KCNMA1: variants seen among roughly 807,000 people sequenced by gnomAD.
KCNMA1 encodes the protein Calcium-activated potassium channel subunit alpha-1.
A neutral mutation model predicts 140.0 loss-of-function variants in KCNMA1; 29 were observed. The ratio of observed to expected loss-of-function variants is 0.21; its 90% CI spans 0.15 to 0.28. The LOEUF (loss-of-function observed/expected upper bound fraction) is 0.28. Ranked by LOEUF, KCNMA1 falls within the 10% of genes least tolerant of loss-of-function variation. The pLI is 1.00. For missense variants in KCNMA1, 880 were observed against 1,602.2 expected (o/e 0.55, Z 7.70); for synonymous variants, 612 against 611.9 (o/e 1.00, Z 0.00).
rs1343773982 is a variant in KCNMA1, at chr10:77,441,500, CTTTAGAA to C, written c.379-37484_379-37478del. 2.0e-5 allele frequency among the ~76,000 whole-genome samples: 3 copies of C among 152,134 alleles called. No individual in the cohort carries two copies. The East Asian group carries it at 5.8e-4, about 29-fold the overall frequency. On this transcript the variant is annotated intron_variant, in intron 1 of 27. Transcript: ENST00000286628. ...CTTCAGCTGGGTTCCATCCTAAGGACTTTAGAATTTGGCACTCTGCGTCATCAGGGAA... is the reference window on the plus strand; with the variant it reads ...CTTCAGCTGGGTTCCATCCTAAGGACTTTGGCACTCTGCGTCATCAGGGAA...
intron 5 of KCNMA1, among the ~76,000 whole-genome samples, chr10:77,152,989 G>A (rs901860838): frequency 1.3e-5 from 2 of 152,120 alleles, no homozygotes; most frequent in African/African-American, 4.8e-5. Flanking sequence ...TAAGGCCCCT[G>A]GAGCCATGCA....
chr10:77,619,197 A>G (rs1264428002), intron 1 of KCNMA1, among the ~76,000 whole-genome samples: 1 of 152,180 alleles, frequency 6.6e-6, no homozygotes, highest in Non-Finnish European at 1.5e-5. Context: ...GAATTCATAG[A>G]GGGATCAGCT....
intron 2 of KCNMA1, among the ~76,000 whole-genome samples, chr10:77,266,524 G>T (rs1448958495): frequency 6.6e-6 from 1 of 152,184 alleles, no homozygotes; most frequent in Non-Finnish European, 1.5e-5. Flanking sequence ...AAGTTGCCAT[G>T]CTAGATTTTA....
chr10:76,891,767 T>G, intron 25 of KCNMA1, 48 bp from the exon 26 acceptor site: 1 of 1,493,338 alleles, frequency 6.7e-7, no homozygotes, highest in Admixed American at 1.7e-5. Flanking sequence ...GCAAACACCC[T>G]AAAGTCATGA....
At chr10:77,156,138 G>A (rs1412396568) in intron 5 of KCNMA1, among the ~76,000 whole-genome samples, 2 of 149,662 alleles carry the variant, frequency 1.3e-5, no homozygotes, top group African/African-American at 4.9e-5. Context: ...TGAGGCAGGA[G>A]AATGGCATGA....
chr10:77,049,294 C>A (rs749080017), intron 14 of KCNMA1, among the ~76,000 whole-genome samples: 10 of 152,182 alleles, frequency 6.6e-5, no homozygotes, highest in Non-Finnish European at 1.0e-4. Flanking sequence ...TTCCTCATTT[C>A]ACCAATGTGC....
At chr10:76,872,080 T>A (rs1465032536) in exon 28 of KCNMA1, 1 of 152,220 alleles carries the variant, frequency 6.6e-6, no homozygotes, top group Non-Finnish European at 1.5e-5. Flanking sequence ...AATTATTCTC[T>A]ACTATTTGTG....
In KCNMA1 at chr10:76,906,135, G is replaced by A. The variant is rs117081458; in HGVS notation, c.3147+3831C>T. Among the ~76,000 whole-genome samples, 205 of 152,296 alleles carry A rather than the reference G, an allele frequency of 1.3e-3. 1 individual carries two copies. The East Asian group carries it at 0.032, about 24-fold the overall frequency. ...GGAATCCAGATCTAAGCCATCTGGC[G>A]CTTGAGTCCATGTCCAGTATTCACT... On this transcript the variant is annotated intron_variant, in intron 25 of 27. Coordinates refer to ENST00000286628, the MANE Select transcript of KCNMA1 (RefSeq NM_001161352.2).
intron 14 of KCNMA1, among the ~76,000 whole-genome samples, chr10:77,070,182 C>A (rs2096138218): frequency 6.6e-6 from 1 of 152,070 alleles, no homozygotes; most frequent in South Asian, 2.1e-4. Flanking sequence ...TGGTCTCATG[C>A]ATGATAAAAT....
intron 25 of KCNMA1, among the ~76,000 whole-genome samples, chr10:76,909,303 C>A (rs2049099604): frequency 6.6e-6 from 1 of 152,168 alleles, no homozygotes; most frequent in Admixed American, 6.5e-5. Flanking sequence ...CTAGTCCAAG[C>A]CATGACAGCC....
At position 77,537,741 on chromosome 10, in the gene KCNMA1, G is replaced by A. The variant is rs1603634061; in HGVS notation, c.378+99524C>T. Among the ~76,000 whole-genome samples, 6 of 151,994 alleles carry A rather than the reference G, an allele frequency of 3.9e-5. No individual in the cohort carries two copies. In the South Asian group the frequency reaches 1.2e-3, roughly 32 times the overall value. Reference sequence around the variant, plus strand: ...TTATTGTGACTATAACAACTCCTAAGGAGCCATCAGAGTCTCGGTGGCACC... The same window carrying A: ...TTATTGTGACTATAACAACTCCTAAAGAGCCATCAGAGTCTCGGTGGCACC... On this transcript the variant is annotated intron_variant, in intron 1 of 27. Transcript: ENST00000286628.
Position 76,885,035 on chromosome 10 carries a change from A to T in KCNMA1, c.*2231T>A. On this transcript the variant is annotated 3_prime_UTR_variant, in exon 28 of 28. Transcript: ENST00000286628. ...TTGTTGCACTTTAGAGAGAGAAGTAAGCTATGTGAGTTTTACAATGCTTTT... is the reference window on the plus strand; with the variant it reads ...TTGTTGCACTTTAGAGAGAGAAGTATGCTATGTGAGTTTTACAATGCTTTT... The T allele has an allele frequency of 6.5e-7, 1 of 1,548,298 alleles. No homozygotes were observed. The highest frequency in any genetic ancestry group is 8.7e-7 in the Non-Finnish European group (1 of 1,146,018).
At chr10:77,225,653 G>A (rs549627614) in intron 3 of KCNMA1, among the ~76,000 whole-genome samples, 7 of 152,274 alleles carry the variant, frequency 4.6e-5, no homozygotes, top group Admixed American at 6.5e-5. Flanking sequence ...AGGTGCCCAC[G>A]GGACTGCTGG....
chr10:77,488,080 C>A (rs1328968948), intron 1 of KCNMA1, among the ~76,000 whole-genome samples: 1 of 152,190 alleles, frequency 6.6e-6, no homozygotes, highest in African/African-American at 2.4e-5. Context: ...AGCACCCATG[C>A]AGCAAAGGCC....
chr10:77,311,017 A>G (rs1384932122), intron 2 of KCNMA1, among the ~76,000 whole-genome samples: 1 of 152,064 alleles, frequency 6.6e-6, no homozygotes, highest in African/African-American at 2.4e-5. Context: ...GACAAACACC[A>G]TTTTTGGCCA....
chr10:77,314,185 T>C (rs970688086), intron 2 of KCNMA1: 6 of 152,140 alleles, frequency 3.9e-5, no homozygotes, highest in Non-Finnish European at 8.8e-5. Context: ...GTGTACAGTG[T>C]CTTAAGGCCA....
intron 14 of KCNMA1, among the ~76,000 whole-genome samples, chr10:77,055,341 C>G (rs997038433): frequency 1.3e-5 from 2 of 152,318 alleles, no homozygotes; most frequent in Non-Finnish European, 2.9e-5. Context: ...CAGCCAGAAC[C>G]TGGAAGGGAT....
intron 23 of KCNMA1, among the ~76,000 whole-genome samples, chr10:76,930,400 G>A (rs1195703502): frequency 6.6e-6 from 1 of 152,098 alleles, no homozygotes; most frequent in Non-Finnish European, 1.5e-5. Flanking sequence ...CTAATCATCA[G>A]AAAAATGCAA....
At chr10:77,362,054 T>A (rs2093992392) in intron 2 of KCNMA1, among the ~76,000 whole-genome samples, 1 of 152,182 alleles carries the variant, frequency 6.6e-6, no homozygotes, top group African/African-American at 2.4e-5. Flanking sequence ...TGATAGCAGC[T>A]GTCCTTAGAG....
Sources: gnomAD v4.1 joint callset for allele counts (sites outside exome capture counted in the v4.1 genomes callset) on GRCh38, gnomAD v4.1.1 for gene constraint, MANE v1.5 for transcripts, NCBI Gene and HGNC (gene_info 2026-07-23, HGNC 2026-07-21) for gene names.